The following SCGN variants were observed in gnomAD, a reference collection of about 807,000 sequenced individuals.
SCGN encodes the protein secretagogin, EF-hand calcium binding protein.
In SCGN, 30 loss-of-function variants were observed where a neutral mutation model predicts 39.7. That is an observed-to-expected ratio of 0.76 (90% CI 0.57 to 1.03). The LOEUF is 1.03. Among genes scored for constraint, SCGN ranks in the 50% least tolerant of loss-of-function variants. The pLI, the probability that SCGN is intolerant of heterozygous loss-of-function variation, is 0.00. For synonymous variants in SCGN, 106 were observed against 114.1 expected, an observed-to-expected ratio of 0.93 and a Z score of 0.45; for missense variants, 353 against 349.4, an observed-to-expected ratio of 1.01 and a Z score of -0.08.
chr6:25,685,371 C>A (rs1022823418), intron 7 of SCGN, among the ~76,000 whole-genome samples: 2 of 152,160 alleles, frequency 1.3e-5, no homozygotes, highest in Non-Finnish European at 2.9e-5. Flanking sequence ...AATTCCTCTA[C>A]ATAAAAGCAC....
intron 10 of SCGN, among the ~76,000 whole-genome samples, chr6:25,696,398 T>C (rs1186315401): frequency 1.3e-5 from 2 of 152,094 alleles, no homozygotes; most frequent in East Asian, 3.9e-4. Flanking sequence ...ATATAGAGTA[T>C]ACTATATATA....
chr6:25,689,230 AT>A lies in SCGN; in HGVS notation c.573+16del, dbSNP rs1561769407. 1 of 1,560,230 alleles carries A rather than the reference AT, an allele frequency of 6.4e-7. No individual in the cohort carries two copies. The highest frequency in any genetic ancestry group is 1.7e-5 in the Admixed American group (1 of 59,130). On this transcript the variant is annotated intron_variant, in intron 8 of 10. Coordinates refer to ENST00000377961, the MANE Select transcript of SCGN (RefSeq NM_006998.4). The stretch of plus-strand genomic sequence containing the variant: ...ATTTAAAATGGATGTAAGTAGTGAC[AT>A]TTCTCTAGATGGGTTTATGTCATTG...
chr6:25,691,238 T>C (rs921797359), intron 10 of SCGN, 114 bp downstream of exon 10: 7 of 767,592 alleles, frequency 9.1e-6, no homozygotes, highest in Non-Finnish European at 1.5e-5. Flanking sequence ...AATCTAGGGA[T>C]GTAGTTTATT....
Position 25,701,146 on chromosome 6 carries a change from G to T in SCGN, c.703-61G>T, listed in dbSNP as rs557133396. The T allele has an allele frequency of 2.6e-6, 4 of 1,552,550 alleles. No homozygotes were observed. In the African/African-American group the frequency reaches 5.5e-5, roughly 21 times the overall value. ...CTAAGCTTAGGGAGCATCAGAGAGGGTGTTAAAGGGTGAGAACACCATTGG... is the reference window on the plus strand; with the variant it reads ...CTAAGCTTAGGGAGCATCAGAGAGGTTGTTAAAGGGTGAGAACACCATTGG... On this transcript the variant is annotated intron_variant, in intron 10 of 10. Coordinates refer to ENST00000377961, the MANE Select transcript of SCGN (RefSeq NM_006998.4).
intron 10 of SCGN, among the ~76,000 whole-genome samples, chr6:25,696,217 A>T (rs886978619): frequency 6.6e-6 from 1 of 152,226 alleles, no homozygotes; most frequent in Non-Finnish European, 1.5e-5. Flanking sequence ...AATTGTAAAA[A>T]TGATACATGC....
At chr6:25,696,289 C>T (rs1295633382) in intron 10 of SCGN, among the ~76,000 whole-genome samples, 1 of 152,138 alleles carries the variant, frequency 6.6e-6, no homozygotes, top group Non-Finnish European at 1.5e-5. Flanking sequence ...TATGTTCTAA[C>T]AGACTGACTG....
At chr6:25,672,599 G>A (rs1280144836) in intron 6 of SCGN, among the ~76,000 whole-genome samples, 3 of 152,190 alleles carry the variant, frequency 2.0e-5, no homozygotes, top group Non-Finnish European at 4.4e-5. Context: ...AACCAGCATG[G>A]CTGGAGCAGA....
At chr6:25,652,557 G>T in intron 1 of SCGN, 72 bp downstream of exon 1, 1 of 1,424,206 alleles carries the variant, frequency 7.0e-7, no homozygotes. Flanking sequence ...AAAGGACCTG[G>T]AGTTTCCCCT....
At chr6:25,671,844 C>T (rs1759501628) in intron 6 of SCGN, among the ~76,000 whole-genome samples, 1 of 151,904 alleles carries the variant, frequency 6.6e-6, no homozygotes, top group Admixed American at 6.7e-5. Flanking sequence ...ATTGATTTAA[C>T]AGAATGTTAG....
intron 2 of SCGN, among the ~76,000 whole-genome samples, chr6:25,657,220 A>T (rs937072927): frequency 3.3e-5 from 5 of 151,980 alleles, no homozygotes; most frequent in Admixed American, 1.3e-4. Flanking sequence ...CACAGAGAAT[A>T]AAAAAAATGT....
At chr6:25,699,589 C>CAAAAAAAAAAAA (rs35915067) in intron 10 of SCGN, among the ~76,000 whole-genome samples, 5 of 53,814 alleles carry the variant, frequency 9.3e-5, no homozygotes, top group Non-Finnish European at 1.1e-4. Flanking sequence ...AACTCTGTCT[C>CAAAAAAAAAAAA]AAAAAAAAAA....
Position 25,652,384 on chromosome 6 carries a change from T to C in SCGN, c.-20T>C, listed in dbSNP as rs1760149447. 5 of 1,611,958 alleles carry C rather than the reference T, an allele frequency of 3.1e-6. No homozygotes were observed. The highest frequency in any genetic ancestry group is 1.7e-5 in the Admixed American group (1 of 59,984). ...GTCTAGGTCCTTCCGCGCCGGTGCC[T>C]GGTCTTCGTCGTCAACACCATGGAC... On this transcript the variant is annotated 5_prime_UTR_variant, in exon 1 of 11. Transcript: ENST00000377961.
intron 4 of SCGN, among the ~76,000 whole-genome samples, chr6:25,667,359 T>G (rs528895887): frequency 5.3e-5 from 8 of 152,194 alleles, no homozygotes; most frequent in Admixed American, 1.3e-4. Flanking sequence ...CTTTTAAAAC[T>G]ATCATTGTGA....
chr6:25,670,065 A>C lies in SCGN; in HGVS notation c.460A>C (p.Thr154Pro). 1 of 1,611,400 alleles carries C rather than the reference A, an allele frequency of 6.2e-7. No individual in the cohort carries two copies. Among genetic ancestry groups the C allele is most frequent in the Non-Finnish European group, 8.5e-7 (1 of 1,177,612 alleles). The change falls in exon 6 of 11, where the codon ACT becomes CCT. Residue 154 changes from threonine (T) to proline (P), a missense_variant. By Grantham distance (38) the Thr-to-Pro change is conservative. Coordinates refer to ENST00000377961, the MANE Select transcript of SCGN (RefSeq NM_006998.4). ...TTCTGAGGCTAAACTGGAAGAATACACTGGCACCATGGTAAGTAATGAGTA... is the reference window on the plus strand; with the variant it reads ...TTCTGAGGCTAAACTGGAAGAATACCCTGGCACCATGGTAAGTAATGAGTA... ...AISEAKLEEY[T>P]GTMMKIFDRN...
chr6:25,693,902 C>G (rs988682787), intron 10 of SCGN, among the ~76,000 whole-genome samples: 6 of 152,160 alleles, frequency 3.9e-5, no homozygotes, highest in Non-Finnish European at 7.4e-5. Flanking sequence ...TTTTGCATCT[C>G]CAAACCTCAG....
At chr6:25,677,464 C>T (rs750206346) in intron 6 of SCGN, among the ~76,000 whole-genome samples, 5 of 151,964 alleles carry the variant, frequency 3.3e-5, no homozygotes, top group Non-Finnish European at 7.4e-5. Context: ...GAGGGGGGTT[C>T]TAAATCTTTT....
Position 25,652,223 on chromosome 6 carries a change from C to T in SCGN, c.-181C>T. On this transcript the variant is annotated 5_prime_UTR_variant, in exon 1 of 11. Transcript: ENST00000377961. ...TTCCAGCCGCTGGTTTTGCTGAGGG[C>T]TGAGGGACGGCTCAGCGACGCCACG... 2 of 585,760 alleles carry T rather than the reference C, an allele frequency of 3.4e-6. No homozygotes were observed. Among genetic ancestry groups the T allele is most frequent in the Non-Finnish European group, 6.1e-6 (2 of 328,918 alleles). The allele number at this position is 585,760 out of a possible 1,614,324, so 36.3% of individuals were successfully genotyped here.
intron 10 of SCGN, among the ~76,000 whole-genome samples, chr6:25,693,090 A>ACATAAACATTG (rs2151383159): frequency 6.6e-6 from 1 of 152,308 alleles, no homozygotes; most frequent in African/African-American, 2.4e-5. Flanking sequence ...ACTAGAAATA[A>ACATAAACATTG]CATAAACATT....
intron 7 of SCGN, among the ~76,000 whole-genome samples, chr6:25,687,140 C>A (rs1233859269): frequency 6.6e-6 from 1 of 152,026 alleles, no homozygotes; most frequent in Non-Finnish European, 1.5e-5. Flanking sequence ...AACTTTGTTC[C>A]TCTTTTTCAA....
Sources: allele counts gnomAD v4.1 joint callset (sites outside exome capture counted in the v4.1 genomes callset), GRCh38; gene constraint gnomAD v4.1.1; transcripts MANE v1.5; gene names NCBI Gene and HGNC (gene_info 2026-07-23, HGNC 2026-07-21).